Variants in KCNN2 observed in about 807,000 individuals in gnomAD.
The protein encoded by KCNN2 is small conductance calcium-activated potassium channel protein 2.
Under a neutral mutation model 55.5 loss-of-function variants are expected in KCNN2, and 24 were observed. That is an observed-to-expected ratio of 0.43 (90% CI 0.31 to 0.61). The LOEUF (loss-of-function observed/expected upper bound fraction) is 0.61, where lower values mean the gene tolerates loss of function less well. Ranked by LOEUF, KCNN2 falls within the 20% of genes least tolerant of loss-of-function variation. The pLI is 0.08. For synonymous variants in KCNN2, 431 were observed against 336.1 expected (o/e 1.28, Z -3.09); for missense variants, 754 against 853.6 (o/e 0.88, Z 1.45).
chr5:114,252,422 A>AG (rs1754884171), intron 2 of KCNN2, among the ~76,000 whole-genome samples: 1 of 152,040 alleles, frequency 6.6e-6, no homozygotes, highest in Non-Finnish European at 1.5e-5. Flanking sequence ...TTACTGGGAG[A>AG]GGGAATACCT....
At chr5:114,227,432 C>T (rs1163526584) in intron 2 of KCNN2, among the ~76,000 whole-genome samples, 1 of 152,140 alleles carries the variant, frequency 6.6e-6, no homozygotes, top group African/African-American at 2.4e-5. Context: ...CTAAAGTACC[C>T]CGTACTGTTG....
intron 3 of KCNN2, among the ~76,000 whole-genome samples, chr5:114,428,103 T>A (rs1759682562): frequency 6.6e-6 from 1 of 152,218 alleles, no homozygotes; most frequent in Non-Finnish European, 1.5e-5. Flanking sequence ...GGTCAAGGAT[T>A]CTTCTCTCTT....
intron 1 of KCNN2, among the ~76,000 whole-genome samples, chr5:114,213,659 CTG>C (rs1323513255): frequency 6.6e-6 from 1 of 151,840 alleles, no homozygotes; most frequent in Non-Finnish European, 1.5e-5. Context: ...ATGGCTAAGT[CTG>C]TTGTTATGAT....
intron 5 of KCNN2, among the ~76,000 whole-genome samples, chr5:114,480,362 G>A (rs1762172432): frequency 1.3e-5 from 2 of 152,018 alleles, no homozygotes; most frequent in South Asian, 4.1e-4. Context: ...AATTGAGGCA[G>A]GAATAAATTG....
intron 1 of KCNN2, among the ~76,000 whole-genome samples, chr5:114,165,671 AT>A (rs1253314465): frequency 6.6e-6 from 1 of 152,098 alleles, no homozygotes; most frequent in African/African-American, 2.4e-5. Context: ...CGGGTTTGCA[AT>A]TTGGTTAAGT....
At chr5:114,482,491 A>G (rs1762269513) in intron 5 of KCNN2, among the ~76,000 whole-genome samples, 1 of 152,204 alleles carries the variant, frequency 6.6e-6, no homozygotes. Flanking sequence ...ACCTAGATGC[A>G]GGAATACCAT....
At position 114,362,475 on chromosome 5, in the gene KCNN2, C is replaced by T; in HGVS notation, c.336C>T (p.Cys112=). ...RTSSPLSGSS[C]CCCCCSSRRG... is the part of the protein sequence containing the mutation. ...CCTCGCCGCTGTCGGGCTCGTCCTGCTGCTGCTGCTGCTGCTCGTCGCGCC... is the reference window on the plus strand; with the variant it reads ...CCTCGCCGCTGTCGGGCTCGTCCTGTTGCTGCTGCTGCTGCTCGTCGCGCC... Residue 112 remains cysteine (C), a synonymous_variant, in exon 1 of 8, where the codon TGC becomes TGT. Transcript: ENST00000673685. 2.2e-6 allele frequency: 1 copy of T among 447,034 alleles called. No individual in the cohort carries two copies. The allele number at this position is 447,034 out of a possible 1,614,324, so 27.7% of individuals were successfully genotyped here. A position where few individuals can be genotyped will look rare whatever the true frequency, so the allele number is the denominator to read the frequency against.
intron 3 of KCNN2, among the ~76,000 whole-genome samples, chr5:114,462,350 T>TGTAA (rs1761248136): frequency 6.6e-6 from 1 of 152,228 alleles, no homozygotes; most frequent in Middle Eastern, 3.2e-3. Flanking sequence ...TCTTTTCGAC[T>TGTAA]GTAAGTTCTT....
rs574503969 is a variant in KCNN2, at chr5:114,423,239, A to G, written c.1637+18383A>G. ...CAGAAAATAGTTGTTGGATAAGAGAATCGGGCTAATTTTTGATATTTTGCT... is the reference window on the plus strand; with the variant it reads ...CAGAAAATAGTTGTTGGATAAGAGAGTCGGGCTAATTTTTGATATTTTGCT... On this transcript the variant is annotated intron_variant, in intron 3 of 7. Transcript: ENST00000673685. 3.9e-5 allele frequency among the ~76,000 whole-genome samples: 6 copies of G among 152,328 alleles called. No homozygotes were observed. The South Asian group carries it at 8.3e-4, about 21-fold the overall frequency.
intron 2 of KCNN2, among the ~76,000 whole-genome samples, chr5:114,241,323 G>C (rs1000295015): frequency 2.6e-5 from 4 of 151,790 alleles, no homozygotes; most frequent in Non-Finnish European, 5.9e-5. Context: ...GAATATAGTA[G>C]GATAAATTTT....
At chr5:114,106,393 A>G (rs1751483344) in intron 1 of KCNN2, among the ~76,000 whole-genome samples, 1 of 151,876 alleles carries the variant, frequency 6.6e-6, no homozygotes, top group Non-Finnish European at 1.5e-5. Context: ...TATAGGATTT[A>G]TGCATATACA....
intron 1 of KCNN2, among the ~76,000 whole-genome samples, chr5:114,115,706 T>C (rs185665651): frequency 2.0e-5 from 3 of 151,980 alleles, no homozygotes; most frequent in African/African-American, 7.2e-5. Flanking sequence ...AAAGGTAAGA[T>C]TGAAAGGGAA....
intron 2 of KCNN2, among the ~76,000 whole-genome samples, chr5:114,296,963 G>C (rs557600183): frequency 6.6e-6 from 1 of 152,140 alleles, no homozygotes; most frequent in African/African-American, 2.4e-5. Context: ...TATTTCAGGG[G>C]CTCTGTGTGA....
At chr5:114,112,346 A>G (rs7723490) in intron 1 of KCNN2, among the ~76,000 whole-genome samples, 32,471 of 151,966 alleles carry the variant, frequency 0.21, 3,991 homozygotes, top group African/African-American at 0.34. Context: ...GGGGCTGGGG[A>G]AGGGATGGCA....
intron 2 of KCNN2, among the ~76,000 whole-genome samples, chr5:114,356,335 A>C (rs1186882573): frequency 6.6e-6 from 1 of 152,168 alleles, no homozygotes; most frequent in Non-Finnish European, 1.5e-5. Flanking sequence ...TATAAACTAG[A>C]ATGTGCTGTC....
intron 1 of KCNN2, among the ~76,000 whole-genome samples, chr5:114,114,881 A>C (rs1751680318): frequency 6.6e-6 from 1 of 152,164 alleles, no homozygotes; most frequent in Admixed American, 6.5e-5. Flanking sequence ...GCAATACAGG[A>C]TTAACAGCTT....
At chr5:114,368,106 G>C (rs1011416754) in intron 2 of KCNN2, among the ~76,000 whole-genome samples, 2 of 151,894 alleles carry the variant, frequency 1.3e-5, no homozygotes, top group Admixed American at 1.3e-4. Context: ...TTCTGCATCA[G>C]CAAAAATACA....
chr5:114,272,209 A>G (rs575958054), intron 2 of KCNN2, among the ~76,000 whole-genome samples: 5 of 152,078 alleles, frequency 3.3e-5, no homozygotes, highest in African/African-American at 1.2e-4. Context: ...CTGCAACTAC[A>G]TATACACTTA....
chr5:114,130,912 C>T (rs1580539901), intron 1 of KCNN2, among the ~76,000 whole-genome samples: 1 of 152,188 alleles, frequency 6.6e-6, no homozygotes. Flanking sequence ...ACTACTCTGT[C>T]TGCATCAGAT....
Sources: gnomAD v4.1 joint callset for allele counts (sites outside exome capture counted in the v4.1 genomes callset) on GRCh38, gnomAD v4.1.1 for gene constraint, MANE v1.5 for transcripts, NCBI Gene and HGNC (gene_info 2026-07-23, HGNC 2026-07-21) for gene names.